The following MTIF2 variants were observed in gnomAD, a reference collection of about 807,000 sequenced individuals.
MTIF2 encodes mitochondrial translational initiation factor 2, also known as translation initiation factor IF-2, mitochondrial.
A neutral mutation model predicts 83.5 loss-of-function variants in MTIF2; 71 were observed. That is an observed-to-expected ratio of 0.85 (90% CI 0.70 to 1.04). The LOEUF is 1.04. MTIF2 is among the 50% of genes least tolerant of loss of function. MTIF2 has a pLI of 0.00. For synonymous variants in MTIF2, 319 were observed against 287.1 expected (o/e 1.11, Z -1.12); for missense variants, 957 against 846.5 (o/e 1.13, Z -1.62).
intron 7 of MTIF2, among the ~76,000 whole-genome samples, chr2:55,253,304 A>C (rs1314647584): frequency 6.6e-6 from 1 of 152,236 alleles, no homozygotes; most frequent in African/African-American, 2.4e-5. Context: ...ACAACCTAGC[A>C]AAGGAAGTTA....
At chr2:55,268,990 G>A (rs948394138) in intron 1 of MTIF2, 179 bp downstream of exon 1, 3 of 152,118 alleles carry the variant, frequency 2.0e-5, no homozygotes, top group South Asian at 4.1e-4. Context: ...CAGTGCACAT[G>A]CCTTCGTGAA....
At position 55,263,872 on chromosome 2, in the gene MTIF2, A is replaced by G. The variant is rs759665591; in HGVS notation, c.-7-7T>C. 19 of 1,400,710 alleles carry G rather than the reference A, an allele frequency of 1.4e-5. No individual in the cohort carries two copies. Among genetic ancestry groups the G allele is most frequent in the Admixed American group, 1.1e-4 (5 of 47,366 alleles). The allele number at this position is 1,400,710 out of a possible 1,614,324, so 86.8% of individuals were successfully genotyped here. A position where few individuals can be genotyped will look rare whatever the true frequency, so the allele number is the denominator to read the frequency against. On this transcript the variant is annotated splice_region_variant and splice_polypyrimidine_tract_variant and intron_variant, in intron 3 of 15. Coordinates refer to ENST00000263629, the MANE Select transcript of MTIF2 (RefSeq NM_002453.3). ...CTTCTGGTTCATGTTTCTCCTGGGG[A>G]AAAAAAAAAGGTTTTAAAATAATAT...
intron 10 of MTIF2, among the ~76,000 whole-genome samples, chr2:55,245,573 G>A (rs893065450): frequency 3.3e-5 from 5 of 152,108 alleles, no homozygotes; most frequent in Admixed American, 2.0e-4. Context: ...AAAGGTGGTT[G>A]CCAAGGGCTC....
At chr2:55,268,823 G>A (rs1678624446) in intron 1 of MTIF2, 84 bp from the exon 2 acceptor site, 1 of 152,158 alleles carries the variant, frequency 6.6e-6, no homozygotes, top group South Asian at 2.1e-4. Flanking sequence ...TTACCAGAAA[G>A]GTAAAAATAA....
Position 55,243,004 on chromosome 2 carries a change from T to C in MTIF2, c.1641A>G (p.Glu547=), listed in dbSNP as rs764975574. 3.1e-6 allele frequency: 5 copies of C among 1,613,046 alleles called. No homozygotes were observed. Among genetic ancestry groups the C allele is most frequent in the Non-Finnish European group, 4.2e-6 (5 of 1,179,518 alleles). The change falls in exon 13 of 16, where the codon GAA becomes GAG. Residue 547 remains glutamate, a synonymous_variant. Transcript: ENST00000263629. ...TYDASHECEL[E]LVHFGVGDVS... ...CATCACCCACTCCAAAATGTACTAATTCTAGTTCACACTCGTGTGAAGCAT... is the reference window on the plus strand; with the variant it reads ...CATCACCCACTCCAAAATGTACTAACTCTAGTTCACACTCGTGTGAAGCAT...
chr2:55,259,516 AAG>A (rs1553374550), intron 5 of MTIF2, among the ~76,000 whole-genome samples: 4 of 151,490 alleles, frequency 2.6e-5, no homozygotes, highest in African/African-American at 4.9e-5. Context: ...AAAAAAAAAA[AAG>A]GAGTCCTCAT....
intron 10 of MTIF2, among the ~76,000 whole-genome samples, chr2:55,245,268 T>C (rs929032560): frequency 6.6e-5 from 10 of 152,250 alleles, no homozygotes; most frequent in African/African-American, 2.4e-4. Context: ...ACGCCTGTAA[T>C]CCCAGCACTT....
At chr2:55,256,490 G>A (rs1423339666) in intron 5 of MTIF2, among the ~76,000 whole-genome samples, 4 of 151,688 alleles carry the variant, frequency 2.6e-5, no homozygotes, top group South Asian at 2.1e-4. Flanking sequence ...GGCAGATCAC[G>A]AGGTCAGGAG....
intron 5 of MTIF2, among the ~76,000 whole-genome samples, chr2:55,257,012 T>C (rs1023567382): frequency 6.6e-6 from 1 of 152,170 alleles, no homozygotes; most frequent in Non-Finnish European, 1.5e-5. Context: ...ACTCTTGAAA[T>C]ATAGGAAAAA....
At chr2:55,252,116 C>G (rs1441694647) in intron 8 of MTIF2, among the ~76,000 whole-genome samples, 1 of 152,052 alleles carries the variant, frequency 6.6e-6, no homozygotes, top group Non-Finnish European at 1.5e-5. Flanking sequence ...CAGGAAATAA[C>G]AGAATATAAC....
At chr2:55,255,996 C>T (rs565497355) in intron 5 of MTIF2, among the ~76,000 whole-genome samples, 88 of 152,126 alleles carry the variant, frequency 5.8e-4, no homozygotes, top group African/African-American at 2.1e-3. Context: ...TCTGCCTCAG[C>T]CCCCTGAGTA....
In MTIF2 at chr2:55,263,871, G is replaced by T; in HGVS notation, c.-7-6C>A. 2.1e-6 allele frequency: 3 copies of T among 1,441,546 alleles called. No individual in the cohort carries two copies. The highest frequency in any genetic ancestry group is 2.8e-6 in the Non-Finnish European group (3 of 1,062,090). The allele number at this position is 1,441,546 out of a possible 1,614,324, so 89.3% of individuals were successfully genotyped here. A position where few individuals can be genotyped will look rare whatever the true frequency, so the allele number is the denominator to read the frequency against. On this transcript the variant is annotated splice_region_variant and splice_polypyrimidine_tract_variant and intron_variant, in intron 3 of 15. Coordinates refer to ENST00000263629, the MANE Select transcript of MTIF2 (RefSeq NM_002453.3). ...GCTTCTGGTTCATGTTTCTCCTGGG[G>T]AAAAAAAAAAGGTTTTAAAATAATA...
chr2:55,242,939 C>G lies in MTIF2; in HGVS notation c.1705+1G>C. The G allele has an allele frequency of 1.2e-6, 2 of 1,605,172 alleles. No homozygotes were observed. Among genetic ancestry groups the G allele is most frequent in the Non-Finnish European group, 1.7e-6 (2 of 1,177,044 alleles). ...TTAACAAGAAGAAATGGAATCCTTA[C>G]CATCAAATGTTTCAGCAAGGTTAAC... On this transcript the variant is annotated splice_donor_variant, in intron 13 of 15. Transcript: ENST00000263629. LOFTEE classifies it high-confidence loss of function.
intron 14 of MTIF2, among the ~76,000 whole-genome samples, chr2:55,238,479 C>T (rs1461029103): frequency 6.6e-6 from 1 of 151,006 alleles, no homozygotes; most frequent in Non-Finnish European, 1.5e-5. Context: ...GCAAACTCCG[C>T]CTCCTGGGTT....
chr2:55,236,974 C>T (rs1158059570), intron 15 of MTIF2, among the ~76,000 whole-genome samples, 154 bp from the exon 16 acceptor site: 2 of 152,166 alleles, frequency 1.3e-5, no homozygotes, highest in African/African-American at 2.4e-5. Flanking sequence ...ACCAGGGGAA[C>T]CCCCTCAAAA....
At position 55,267,405 on chromosome 2, in the gene MTIF2, C is replaced by T. The variant is rs181130825; in HGVS notation, c.-8+164G>A. Among the ~76,000 whole-genome samples the T allele has an allele frequency of 1.3e-3, 188 of 150,082 alleles. 1 individual carries two copies. The South Asian group carries it at 0.022, about 18-fold the overall frequency. ...AACTCCTGACCTCAGGTGATCTATC[C>T]GCCTTGGCCTCCCAAAGTGCTGGGA... is the stretch of plus-strand genomic sequence containing the variant. On this transcript the variant is annotated intron_variant, in intron 3 of 15. Transcript: ENST00000263629.
intron 5 of MTIF2, among the ~76,000 whole-genome samples, chr2:55,256,694 C>T (rs1364738209): frequency 5.5e-5 from 6 of 109,746 alleles, no homozygotes; most frequent in Admixed American, 3.0e-4. Flanking sequence ...GAGCGAGACT[C>T]CATCTCAAAA....
chr2:55,246,521 G>T, intron 9 of MTIF2, 60 bp from the exon 10 acceptor site: 1 of 1,424,046 alleles, frequency 7.0e-7, no homozygotes, highest in Non-Finnish European at 9.8e-7. Flanking sequence ...AAATGTAAAT[G>T]CCAGGGACAG....
chr2:55,250,433 AT>A (rs199860262), intron 8 of MTIF2, among the ~76,000 whole-genome samples: 55 of 151,846 alleles, frequency 3.6e-4, no homozygotes, highest in African/African-American at 1.2e-3. Flanking sequence ...AAAAAAAAAA[AT>A]CATGGGAAGA....
Sources: allele counts gnomAD v4.1 joint callset (sites outside exome capture counted in the v4.1 genomes callset), GRCh38; gene constraint gnomAD v4.1.1; transcripts MANE v1.5; gene names NCBI Gene and HGNC (gene_info 2026-07-23, HGNC 2026-07-21).